DAP: variants seen among roughly 807,000 people sequenced by gnomAD.
DAP encodes the protein death-associated protein 1.
Under a neutral mutation model 13.8 loss-of-function variants are expected in DAP, and 8 were observed. The ratio of observed to expected loss-of-function variants is 0.58; its 90% confidence interval spans 0.34 to 1.05. The LOEUF (loss-of-function observed/expected upper bound fraction) is 1.05. Ranked by LOEUF, DAP falls within the 50% of genes least tolerant of loss-of-function variation. DAP has a pLI of 0.03. For missense variants in DAP, 106 were observed against 133.2 expected, an observed-to-expected ratio of 0.80 and a Z score of 1.01; for synonymous variants, 47 against 47.5, an observed-to-expected ratio of 0.99 and a Z score of 0.04.
intron 2 of DAP, among the ~76,000 whole-genome samples, chr5:10,705,984 AT>A (rs1738687837): frequency 6.6e-6 from 1 of 152,214 alleles, no homozygotes; most frequent in South Asian, 2.1e-4. Context: ...TTTTAGGTAG[AT>A]GAGAAAGAAG....
intron 1 of DAP, among the ~76,000 whole-genome samples, chr5:10,759,500 A>G (rs1180077631): frequency 6.6e-6 from 1 of 152,138 alleles, no homozygotes; most frequent in Non-Finnish European, 1.5e-5. Context: ...AAATTCCCCC[A>G]AAACCATTTT....
rs5745222 is a variant in DAP, at chr5:10,715,516, C to A, written c.153-31945G>T. Among the ~76,000 whole-genome samples, 96 of 152,338 alleles carry A rather than the reference C, an allele frequency of 6.3e-4. 1 individual carries two copies. The East Asian group carries it at 0.014, about 23-fold the overall frequency. On this transcript the variant is annotated intron_variant, in intron 2 of 3. Transcript: ENST00000230895. ...ATCTTCTGAGCTTGAGAAACGCAGG[C>A]AAACTGGCAATGTCTTGTGGGTCAA...
intron 1 of DAP, among the ~76,000 whole-genome samples, chr5:10,760,063 T>C (rs1362354291): frequency 6.6e-6 from 1 of 152,160 alleles, no homozygotes; most frequent in African/African-American, 2.4e-5. Context: ...CCAGGAATCT[T>C]TATTGTCAAG....
intron 1 of DAP, among the ~76,000 whole-genome samples, chr5:10,755,015 G>A (rs978446872): frequency 2.6e-5 from 4 of 152,220 alleles, no homozygotes; most frequent in African/African-American, 9.6e-5. Context: ...GTAAGCTGAG[G>A]AAGAAGAAGG....
intron 1 of DAP, among the ~76,000 whole-genome samples, chr5:10,754,350 T>C (rs941395823): frequency 6.6e-6 from 1 of 152,180 alleles, no homozygotes; most frequent in African/African-American, 2.4e-5. Context: ...AAGTAATGGT[T>C]TGTGCTAAAA....
chr5:10,686,744 T>TCCA (rs1738165837), intron 2 of DAP, among the ~76,000 whole-genome samples: 1 of 152,182 alleles, frequency 6.6e-6, no homozygotes, highest in Non-Finnish European at 1.5e-5. Context: ...AAGTGCAAGG[T>TCCA]GAAGCAGCAA....
intron 2 of DAP, among the ~76,000 whole-genome samples, chr5:10,705,209 C>T (rs1213574273): frequency 6.6e-6 from 1 of 151,904 alleles, no homozygotes; most frequent in East Asian, 1.9e-4. Flanking sequence ...CTTCCATTAG[C>T]ATCAGCCCAC....
intron 2 of DAP, among the ~76,000 whole-genome samples, chr5:10,712,383 C>T (rs1214048054): frequency 6.6e-6 from 1 of 152,176 alleles, no homozygotes; most frequent in East Asian, 1.9e-4. Context: ...ATGGGGGAAG[C>T]TCCTGTGGGC....
At chr5:10,697,279 A>C (rs1738458463) in intron 2 of DAP, among the ~76,000 whole-genome samples, 1 of 152,234 alleles carries the variant, frequency 6.6e-6, no homozygotes, top group Admixed American at 6.5e-5. Context: ...TTAGCTCGTT[A>C]CAAGACAGAT....
At chr5:10,711,340 G>A (rs1011276460) in intron 2 of DAP, among the ~76,000 whole-genome samples, 4 of 152,176 alleles carry the variant, frequency 2.6e-5, no homozygotes, top group Admixed American at 6.5e-5. Context: ...GATGCCAGGC[G>A]ATCCATGTCT....
chr5:10,722,573 C>CATATATATACATAT (rs1156741195), intron 2 of DAP, among the ~76,000 whole-genome samples: 214 of 146,050 alleles, frequency 1.5e-3, no homozygotes, highest in African/African-American at 5.2e-3. Flanking sequence ...TATATACATA[C>CATATATATACATAT]ATACATATAT....
chr5:10,743,634 C>A (rs920582035), intron 2 of DAP, among the ~76,000 whole-genome samples: 1 of 152,138 alleles, frequency 6.6e-6, no homozygotes, highest in Non-Finnish European at 1.5e-5. Flanking sequence ...CTCTAGTGAA[C>A]CCTGACTCCT....
intron 1 of DAP, among the ~76,000 whole-genome samples, chr5:10,748,571 A>G (rs5745194): frequency 0.058 from 8,816 of 152,298 alleles, 287 homozygotes; most frequent in South Asian, 0.081. Context: ...CAAACTACAC[A>G]AAGAGAGTGG....
Position 10,700,963 on chromosome 5 carries a change from C to A in DAP, c.153-17392G>T, listed in dbSNP as rs145045769. Among the ~76,000 whole-genome samples, 1,229 of 152,326 alleles carry A rather than the reference C, an allele frequency of 8.1e-3. 14 individuals carry two copies. Among genetic ancestry groups the A allele is most frequent in the African/African-American group, 0.028 (1,145 of 41,570 alleles). ...TTCCCAGAAAATCTGGGCCATGGGG[C>A]CCCTGCTCTGAATAGACGGGTGTGA... On this transcript the variant is annotated intron_variant, in intron 2 of 3. Transcript: ENST00000230895.
At chr5:10,731,203 G>A in intron 2 of DAP, among the ~76,000 whole-genome samples, 1 of 131,844 alleles carries the variant, frequency 7.6e-6, no homozygotes, top group Non-Finnish European at 1.6e-5. Context: ...CCTGGTGGGG[G>A]GAATCTTTCT....
intron 2 of DAP, among the ~76,000 whole-genome samples, chr5:10,738,086 G>A (rs1739660114): frequency 6.6e-6 from 1 of 152,230 alleles, no homozygotes; most frequent in Admixed American, 6.5e-5. Flanking sequence ...ACAGCTCTCA[G>A]AAGCAACCAA....
At chr5:10,681,437 T>C (rs1485139226) in intron 3 of DAP, among the ~76,000 whole-genome samples, 1 of 150,688 alleles carries the variant, frequency 6.6e-6, no homozygotes, top group Non-Finnish European at 1.5e-5. Flanking sequence ...CCAGCGTCCC[T>C]GCAGGAAGCA....
At chr5:10,682,335 GC>G (rs1738039683) in intron 3 of DAP, among the ~76,000 whole-genome samples, 1 of 151,686 alleles carries the variant, frequency 6.6e-6, no homozygotes, top group African/African-American at 2.4e-5. Context: ...AGGAAGCATG[GC>G]GGTTGTATAT....
rs1738826031 is a variant in DAP, at chr5:10,710,666, G to A, written c.153-27095C>T. On this transcript the variant is annotated intron_variant, in intron 2 of 3. Coordinates refer to ENST00000230895, the MANE Select transcript of DAP (RefSeq NM_004394.3). ...GAGCCTGGGAGGGTGGCTGGAGAAG[G>A]TGCCCTGAAGGCAGGACGTGCCTTG... Among the ~76,000 whole-genome samples the A allele has an allele frequency of 2.0e-5, 3 of 152,218 alleles. No homozygotes were observed. In the South Asian group the frequency reaches 6.2e-4, roughly 31 times the overall value.
Sources: gnomAD v4.1 joint callset for allele counts (sites outside exome capture counted in the v4.1 genomes callset) on GRCh38, gnomAD v4.1.1 for gene constraint, MANE v1.5 for transcripts, NCBI Gene and HGNC (gene_info 2026-07-23, HGNC 2026-07-21) for gene names.